Variants in SORCS2 observed in about 807,000 individuals in gnomAD.
SORCS2 encodes the protein VPS10 domain-containing receptor SorCS2.
Under a neutral mutation model 141.6 loss-of-function variants are expected in SORCS2, and 100 were observed. The ratio of observed to expected loss-of-function variants is 0.71; its 90% CI spans 0.60 to 0.83. SORCS2 has a LOEUF of 0.83. Ranked by LOEUF, SORCS2 falls within the 40% of genes least tolerant of loss-of-function variation. SORCS2 has a pLI of 0.00. For missense variants in SORCS2, 1,646 were observed against 1,560.2 expected (o/e 1.05, Z -0.93); for synonymous variants, 789 against 676.9 (o/e 1.17, Z -2.57).
chr4:7,509,761 C>T (rs965363170), intron 2 of SORCS2, among the ~76,000 whole-genome samples: 1 of 152,100 alleles, frequency 6.6e-6, no homozygotes, highest in African/African-American at 2.4e-5. Flanking sequence ...GGTGGTTCAG[C>T]CTCCACCGCC....
At chr4:7,717,698 C>T (rs756338771) in intron 17 of SORCS2, among the ~76,000 whole-genome samples, 2 of 150,914 alleles carry the variant, frequency 1.3e-5, no homozygotes, top group Non-Finnish European at 1.5e-5. Flanking sequence ...TAAACAGCCC[C>T]TCTGCAGCAC....
At chr4:7,275,794 T>C (rs1484418705) in intron 1 of SORCS2, among the ~76,000 whole-genome samples, 1 of 152,198 alleles carries the variant, frequency 6.6e-6, no homozygotes, top group Non-Finnish European at 1.5e-5. Flanking sequence ...CTTTGATGTG[T>C]AGTGTCGTGA....
chr4:7,246,037 T>A lies in SORCS2; in HGVS notation c.480+52911T>A, dbSNP rs1022293968. Among the ~76,000 whole-genome samples the A allele has an allele frequency of 8.5e-5, 13 of 152,328 alleles. 1 individual carries two copies. The highest frequency in any genetic ancestry group is 3.4e-3 in the Middle Eastern group (1 of 294). On this transcript the variant is annotated intron_variant, in intron 1 of 26. Transcript: ENST00000507866. ...CCTGGTTCTGTCAGTCAGAAAGGGA[T>A]TGTGCCAAATCCCTGGGTATCTGGG...
intron 2 of SORCS2, among the ~76,000 whole-genome samples, chr4:7,445,361 G>A (rs1467893694): frequency 6.6e-6 from 1 of 152,156 alleles, no homozygotes; most frequent in Non-Finnish European, 1.5e-5. Flanking sequence ...GGGTTGATGG[G>A]GGAGAGCCGG....
intron 2 of SORCS2, among the ~76,000 whole-genome samples, chr4:7,459,522 G>A (rs1418513434): frequency 6.6e-6 from 1 of 152,152 alleles, no homozygotes; most frequent in Non-Finnish European, 1.5e-5. Flanking sequence ...ACCCATGATG[G>A]CCGGGCCCCA....
intron 1 of SORCS2, among the ~76,000 whole-genome samples, chr4:7,361,420 A>G (rs1262402669): frequency 2.0e-5 from 3 of 152,210 alleles, no homozygotes; most frequent in Non-Finnish European, 2.9e-5. Flanking sequence ...GCTGTTGCCC[A>G]AATTAGCAGC....
intron 3 of SORCS2, among the ~76,000 whole-genome samples, chr4:7,619,137 C>T (rs1181556143): frequency 6.6e-6 from 1 of 152,226 alleles, no homozygotes; most frequent in Middle Eastern, 3.2e-3. Flanking sequence ...TATCACCCCT[C>T]TCGAGGGTCA....
chr4:7,194,262 T>A (rs768450965), intron 1 of SORCS2, among the ~76,000 whole-genome samples: 1 of 152,108 alleles, frequency 6.6e-6, no homozygotes, highest in African/African-American at 2.4e-5. Flanking sequence ...GGTTCCTATA[T>A]GCACTGGCAG....
chr4:7,318,668 A>T (rs1718710416), intron 1 of SORCS2, among the ~76,000 whole-genome samples: 1 of 152,162 alleles, frequency 6.6e-6, no homozygotes, highest in Non-Finnish European at 1.5e-5. Context: ...CATCGCAGCT[A>T]CTCAGCTGTT....
At chr4:7,442,908 C>T (rs895628257) in intron 2 of SORCS2, among the ~76,000 whole-genome samples, 3 of 152,072 alleles carry the variant, frequency 2.0e-5, no homozygotes, top group Admixed American at 1.3e-4. Context: ...GGCCGTGCTC[C>T]CTCCGAAGGC....
chr4:7,434,864 G>T, intron 2 of SORCS2: 1 of 1,576,038 alleles, frequency 6.3e-7, no homozygotes, highest in Non-Finnish European at 8.6e-7. Context: ...GGCAGGAGGA[G>T]CAGGGCACAC....
intron 1 of SORCS2, among the ~76,000 whole-genome samples, chr4:7,285,833 G>C (rs957104726): frequency 4.6e-5 from 7 of 152,222 alleles, no homozygotes; most frequent in African/African-American, 1.2e-4. Context: ...TGGGCTGTTA[G>C]AGCAGAACTG....
In SORCS2 at chr4:7,523,208, C is replaced by T. The variant is rs190799669; in HGVS notation, c.549-8322C>T. Among the ~76,000 whole-genome samples, 920 of 152,182 alleles carry T rather than the reference C, an allele frequency of 6.0e-3. 5 individuals are homozygous for T. Among genetic ancestry groups the T allele is most frequent in the Non-Finnish European group, 0.01 (685 of 68,016 alleles). ...TAGGGAGAATTCCTCCCCAGAAGGGCAGGCTCAGGAGCCACTAGGACCGCT... is the reference window on the plus strand; with the variant it reads ...TAGGGAGAATTCCTCCCCAGAAGGGTAGGCTCAGGAGCCACTAGGACCGCT... On this transcript the variant is annotated intron_variant, in intron 2 of 26. Coordinates refer to ENST00000507866, the MANE Select transcript of SORCS2 (RefSeq NM_020777.3).
intron 1 of SORCS2, among the ~76,000 whole-genome samples, chr4:7,385,143 T>C (rs62277560): frequency 0.1 from 15,251 of 152,048 alleles, 1,035 homozygotes; most frequent in Non-Finnish European, 0.15. Flanking sequence ...GTCTGCAGGG[T>C]GGGCAGCGGC....
intron 2 of SORCS2, among the ~76,000 whole-genome samples, chr4:7,480,678 C>T (rs2109367959): frequency 6.6e-6 from 1 of 152,346 alleles, no homozygotes; most frequent in East Asian, 1.9e-4. Flanking sequence ...CGGCCAGAAC[C>T]ATGTGTGATA....
At chr4:7,487,159 G>A (rs1199912654) in intron 2 of SORCS2, among the ~76,000 whole-genome samples, 1 of 152,138 alleles carries the variant, frequency 6.6e-6, no homozygotes, top group Non-Finnish European at 1.5e-5. Context: ...GTGCTCAGGG[G>A]ACCCCTGCAG....
intron 3 of SORCS2, among the ~76,000 whole-genome samples, chr4:7,636,415 G>A (rs530979816): frequency 5.3e-5 from 8 of 152,350 alleles, no homozygotes; most frequent in South Asian, 4.1e-4. Context: ...AGGAACGAAC[G>A]AACACTGTGT....
intron 1 of SORCS2, among the ~76,000 whole-genome samples, chr4:7,354,385 C>A (rs1380234594): frequency 6.6e-6 from 1 of 152,024 alleles, no homozygotes; most frequent in African/African-American, 2.4e-5. Context: ...AGCCCCCTGG[C>A]TTTCTCCCCC....
At chr4:7,221,153 T>A (rs540709052) in intron 1 of SORCS2, among the ~76,000 whole-genome samples, 1 of 152,330 alleles carries the variant, frequency 6.6e-6, no homozygotes, top group Admixed American at 6.5e-5. Flanking sequence ...TGACAAGATG[T>A]CCCCAGGTTC....
Sources: gnomAD v4.1 joint callset for allele counts (sites outside exome capture counted in the v4.1 genomes callset) on GRCh38, gnomAD v4.1.1 for gene constraint, MANE v1.5 for transcripts, NCBI Gene and HGNC (gene_info 2026-07-23, HGNC 2026-07-21) for gene names.